The following SLC25A26 variants were observed in gnomAD, a reference collection of about 807,000 sequenced individuals.
SLC25A26 encodes solute carrier family 25 member 26, also known as mitochondrial S-adenosylmethionine carrier protein.
Under a neutral mutation model 37.8 loss-of-function variants are expected in SLC25A26, and 36 were observed. That is an observed-to-expected ratio of 0.95 (90% CI 0.73 to 1.26). SLC25A26 has a LOEUF of 1.26. Among genes scored for constraint, SLC25A26 ranks in the 50% most tolerant of loss-of-function variants. SLC25A26 has a pLI of 0.00. For missense variants in SLC25A26, 390 were observed against 331.1 expected, an observed-to-expected ratio of 1.18 and a Z score of -1.38; for synonymous variants, 129 against 122.5, an observed-to-expected ratio of 1.05 and a Z score of -0.35.
intron 9 of SLC25A26, among the ~76,000 whole-genome samples, chr3:66,373,384 C>A (rs1189859556): frequency 6.6e-6 from 1 of 152,192 alleles, no homozygotes; most frequent in Non-Finnish European, 1.5e-5. Context: ...ATTCAGTGGT[C>A]ATCTGTTGAA....
chr3:66,207,035 C>T, intron 1 of SLC25A26, among the ~76,000 whole-genome samples: 1 of 151,936 alleles, frequency 6.6e-6, no homozygotes, highest in Middle Eastern at 3.4e-3. Flanking sequence ...AGTCACCTCA[C>T]CTGGCCTAGT....
chr3:66,292,122 C>A (rs958529113), intron 5 of SLC25A26, among the ~76,000 whole-genome samples: 1 of 152,000 alleles, frequency 6.6e-6, no homozygotes, highest in African/African-American at 2.4e-5. Flanking sequence ...GGATTGCAAC[C>A]GCTGATTTTT....
At chr3:66,252,515 C>T (rs1387839613) in intron 3 of SLC25A26, among the ~76,000 whole-genome samples, 1 of 152,112 alleles carries the variant, frequency 6.6e-6, no homozygotes, top group African/African-American at 2.4e-5. Context: ...CATTTACTTG[C>T]CTTCACTGAA....
chr3:66,259,141 C>T (rs570268235), intron 3 of SLC25A26, among the ~76,000 whole-genome samples: 24 of 152,242 alleles, frequency 1.6e-4, no homozygotes, highest in East Asian at 1.2e-3. Context: ...GCCCCCCACA[C>T]GTGAGAGTCG....
chr3:66,209,371 A>T lies in SLC25A26; in HGVS notation c.-353-11371A>T, dbSNP rs1046496752. ...TGTATATATATCTGTATGTATATAT[A>T]TACATATGTACATGTATCTATATGT... On this transcript the variant is annotated intron_variant, in intron 1 of 10. Transcript: ENST00000676754. Among the ~76,000 whole-genome samples the T allele has an allele frequency of 3.6e-5, 5 of 140,300 alleles. No homozygotes were observed. The South Asian group carries it at 9.2e-4, about 26-fold the overall frequency. 92.0% of individuals were successfully genotyped at this position (140,300 alleles called of 152,430 possible).
chr3:66,349,747 T>C (rs1276717851), intron 6 of SLC25A26, among the ~76,000 whole-genome samples: 1 of 152,146 alleles, frequency 6.6e-6, no homozygotes, highest in Non-Finnish European at 1.5e-5. Flanking sequence ...ATACAGAAGG[T>C]GTATGTTTAA....
chr3:66,203,682 GA>G (rs1234376102), intron 1 of SLC25A26, among the ~76,000 whole-genome samples: 2 of 152,122 alleles, frequency 1.3e-5, no homozygotes, highest in Non-Finnish European at 2.9e-5. Context: ...AAAAAGAAAA[GA>G]CTGCTTACTT....
At chr3:66,326,383 C>T (rs186430880) in intron 5 of SLC25A26, among the ~76,000 whole-genome samples, 2 of 152,330 alleles carry the variant, frequency 1.3e-5, no homozygotes, top group Admixed American at 1.3e-4. Context: ...CCCAAAGTGG[C>T]TCTTCTTCCT....
intron 7 of SLC25A26, among the ~76,000 whole-genome samples, chr3:66,363,318 C>T (rs1386533061): frequency 6.6e-6 from 1 of 152,098 alleles, no homozygotes; most frequent in East Asian, 1.9e-4. Context: ...CTGCAGAAGG[C>T]CATGATTCAC....
intron 1 of SLC25A26, among the ~76,000 whole-genome samples, chr3:66,170,709 A>G (rs1320681543): frequency 6.7e-6 from 1 of 148,722 alleles, no homozygotes; most frequent in Non-Finnish European, 1.5e-5. Context: ...CTATAATCCC[A>G]CAGTGCCTGA....
Position 66,221,829 on chromosome 3 carries a change from T to C in SLC25A26, c.33+702T>C, listed in dbSNP as rs368886069. On this transcript the variant is annotated intron_variant, in intron 1 of 9. Transcript: ENST00000354883. ...GTTAACAAAACAGAGTTTGGCTGCC[T>C]ACGTTTTCATTGTGTGGAATGGGCA... Among the ~76,000 whole-genome samples the C allele has an allele frequency of 6.8e-4, 102 of 150,620 alleles. 2 individuals are homozygous for C. The South Asian group carries it at 0.021, about 31-fold the overall frequency.
At chr3:66,246,806 C>T (rs891726667) in intron 3 of SLC25A26, among the ~76,000 whole-genome samples, 2 of 152,192 alleles carry the variant, frequency 1.3e-5, no homozygotes, top group African/African-American at 4.8e-5. Context: ...TCAAGAGATC[C>T]TCAGTAGCTG....
chr3:66,213,821 T>C (rs1439715582), intron 1 of SLC25A26, among the ~76,000 whole-genome samples: 3 of 152,030 alleles, frequency 2.0e-5, no homozygotes, highest in African/African-American at 7.3e-5. Context: ...TCCTAACTAT[T>C]TGGGAGGCTG....
chr3:66,186,464 A>C (rs1034640462), intron 1 of SLC25A26, among the ~76,000 whole-genome samples: 8 of 151,222 alleles, frequency 5.3e-5, no homozygotes, highest in Non-Finnish European at 1.0e-4. Context: ...CCTCAACCTC[A>C]CCTTAATCAT....
At chr3:66,282,829 G>T (rs2074390740) in intron 5 of SLC25A26, among the ~76,000 whole-genome samples, 1 of 152,094 alleles carries the variant, frequency 6.6e-6, no homozygotes, top group Non-Finnish European at 1.5e-5. Flanking sequence ...AGTCCCTTCT[G>T]CTAGCCGATG....
At chr3:66,348,105 C>A (rs2076368674) in intron 6 of SLC25A26, among the ~76,000 whole-genome samples, 1 of 152,130 alleles carries the variant, frequency 6.6e-6, no homozygotes, top group Non-Finnish European at 1.5e-5. Flanking sequence ...ACTTGCACAT[C>A]CTGCACACAT....
Position 66,370,561 on chromosome 3 carries a change from C to G in SLC25A26, c.666C>G (p.Leu222=). The G allele has an allele frequency of 6.2e-7, 1 of 1,613,934 alleles. No homozygotes were observed. The highest frequency in any genetic ancestry group is 1.3e-5 in the African/African-American group (1 of 75,050). ...AGSSTADGNV[L]SVLHGVWRSQ... ...CCAGCACTGCTGATGGGAATGTGCT[C>G]TCTGTCCTGCATGGGGTCTGGCGGT... Residue 222 remains leucine, a synonymous_variant, in exon 9 of 10, where the codon CTC becomes CTG. Coordinates refer to ENST00000354883, the MANE Select transcript of SLC25A26 (RefSeq NM_001379210.1).
intron 5 of SLC25A26, among the ~76,000 whole-genome samples, chr3:66,298,559 T>C (rs1016370466): frequency 6.6e-6 from 1 of 152,230 alleles, no homozygotes; most frequent in African/African-American, 2.4e-5. Flanking sequence ...ATTAATTTGC[T>C]TGTGAAGAAA....
chr3:66,225,147 G>T (rs1157320403), intron 1 of SLC25A26, among the ~76,000 whole-genome samples: 1 of 152,132 alleles, frequency 6.6e-6, no homozygotes, highest in Non-Finnish European at 1.5e-5. Flanking sequence ...GTGACCTGGT[G>T]GGGACTCCTT....
Sources: gnomAD v4.1 joint callset for allele counts (sites outside exome capture counted in the v4.1 genomes callset) on GRCh38, gnomAD v4.1.1 for gene constraint, MANE v1.5 for transcripts, NCBI Gene and HGNC (gene_info 2026-07-23, HGNC 2026-07-21) for gene names.